COQ10B: variants seen among roughly 807,000 people sequenced by gnomAD.
The protein encoded by COQ10B is coenzyme Q-binding protein COQ10 homolog B, mitochondrial.
A neutral mutation model predicts 27.6 loss-of-function variants in COQ10B; 12 were observed. The ratio of observed to expected loss-of-function variants is 0.43; its 90% confidence interval spans 0.28 to 0.70. The LOEUF is 0.70. Ranked by LOEUF, COQ10B falls within the 30% of genes least tolerant of loss-of-function variation. COQ10B has a pLI of 0.17. For synonymous variants in COQ10B, 115 were observed against 103.0 expected (o/e 1.12, Z -0.71); for missense variants, 278 against 288.7 (o/e 0.96, Z 0.27).
chr2:197,460,184 G>C, intron 2 of COQ10B, 103 bp downstream of exon 2: 1 of 731,028 alleles, frequency 1.4e-6, no homozygotes, highest in Non-Finnish European at 2.1e-6. Context: ...TACAGACTAA[G>C]CTCTCTTTTC....
At chr2:197,463,982 TATATATATATATATAC>T (rs1448187613) in intron 3 of COQ10B, among the ~76,000 whole-genome samples, 153 of 81,862 alleles carry the variant, frequency 1.9e-3, no homozygotes, top group Non-Finnish European at 3.1e-3. Context: ...TATATATATA[TATATATATATATATAC>T]ACACACACAC....
chr2:197,461,515 C>A (rs1574580652), intron 2 of COQ10B, among the ~76,000 whole-genome samples: 1 of 151,204 alleles, frequency 6.6e-6, no homozygotes, highest in East Asian at 2.0e-4. Context: ...ACAGGTGTTA[C>A]CTGTTAAAAA....
At chr2:197,456,413 G>A (rs921144181) in intron 1 of COQ10B, among the ~76,000 whole-genome samples, 5 of 148,012 alleles carry the variant, frequency 3.4e-5, no homozygotes, top group African/African-American at 1.3e-4. Context: ...GCAGTGAGCC[G>A]AGATAGCACC....
chr2:197,459,919 T>G lies in COQ10B; in HGVS notation c.105-13T>G. 1 of 1,570,222 alleles carries G rather than the reference T, an allele frequency of 6.4e-7. No homozygotes were observed. The highest frequency in any genetic ancestry group is 1.2e-5 in the South Asian group (1 of 83,086). On this transcript the variant is annotated splice_polypyrimidine_tract_variant and intron_variant, in intron 1 of 4. Coordinates refer to ENST00000263960, the MANE Select transcript of COQ10B (RefSeq NM_025147.5). ...TACTGTCACTCTAAATCAGGTGATT[T>G]TTGTCTTTTCAGATATTTAGCTTCC...
chr2:197,470,020 C>T (rs1306286992), intron 3 of COQ10B, 50 bp from the exon 4 acceptor site: 1 of 1,089,080 alleles, frequency 9.2e-7, no homozygotes, highest in Admixed American at 1.8e-5. Flanking sequence ...TAGATTATGT[C>T]CAGTAGCAAA....
At chr2:197,459,327 C>T (rs182899735) in intron 1 of COQ10B, among the ~76,000 whole-genome samples, 1 of 151,966 alleles carries the variant, frequency 6.6e-6, no homozygotes, top group Non-Finnish European at 1.5e-5. Context: ...CCACCATGGC[C>T]GGCTAATTTT....
intron 3 of COQ10B, among the ~76,000 whole-genome samples, chr2:197,464,112 T>G (rs2085799204): frequency 6.8e-6 from 1 of 146,682 alleles, no homozygotes; most frequent in Non-Finnish European, 1.5e-5. Flanking sequence ...TGTATAAACA[T>G]TGTTGAGATT....
intron 1 of COQ10B, among the ~76,000 whole-genome samples, chr2:197,458,204 G>A (rs2085720555): frequency 6.7e-6 from 1 of 150,334 alleles, no homozygotes; most frequent in Admixed American, 6.7e-5. Flanking sequence ...ACATATATAT[G>A]TATGTACATA....
In COQ10B at chr2:197,453,667, A is replaced by T; in HGVS notation, c.104+3A>T. ...CAGGCGCCCGTGCGGAATGGCAGGT[A>T]ATCAACAGCGGGGGCGCTGAGACGA... On this transcript the variant is annotated splice_donor_region_variant and intron_variant, in intron 1 of 4. Coordinates refer to ENST00000263960, the MANE Select transcript of COQ10B (RefSeq NM_025147.5). 1 of 1,611,372 alleles carries T rather than the reference A, an allele frequency of 6.2e-7. No individual in the cohort carries two copies. Among genetic ancestry groups the T allele is most frequent in the Non-Finnish European group, 8.5e-7 (1 of 1,177,752 alleles).
chr2:197,473,001 A>G (rs2085894562), intron 4 of COQ10B, among the ~76,000 whole-genome samples: 1 of 152,170 alleles, frequency 6.6e-6, no homozygotes, highest in African/African-American at 2.4e-5. Flanking sequence ...ATAAGAAGGC[A>G]TAGTGATTAA....
chr2:197,472,147 T>TA (rs2085883834), intron 4 of COQ10B, among the ~76,000 whole-genome samples: 1 of 151,908 alleles, frequency 6.6e-6, no homozygotes, highest in Non-Finnish European at 1.5e-5. Context: ...TTTTTTTTTT[T>TA]ACAAAAATGA....
chr2:197,474,106 C>T lies in COQ10B; in HGVS notation c.*182C>T, dbSNP rs906848442. On this transcript the variant is annotated 3_prime_UTR_variant, in exon 5 of 5. Transcript: ENST00000263960. ...TCACTTGTACATAGAATTATTTCTT[C>T]AAGTATAATTCAAAATAATATGGAC... 8.1e-5 allele frequency: 32 copies of T among 392,844 alleles called. No homozygotes were observed. The highest frequency in any genetic ancestry group is 6.2e-4 in the African/African-American group (30 of 48,442). 24.3% of individuals were successfully genotyped at this position (392,844 alleles called of 1,614,324 possible). A position where few individuals can be genotyped will look rare whatever the true frequency, so the allele number is the denominator to read the frequency against.
At chr2:197,462,463 A>C (rs2085771154) in intron 2 of COQ10B, 76 bp from the exon 3 acceptor site, 1 of 742,164 alleles carries the variant, frequency 1.3e-6, no homozygotes, top group African/African-American at 1.8e-5. Flanking sequence ...AGTTTTATAC[A>C]TATTCACTTT....
At chr2:197,463,300 C>T (rs942025162) in intron 3 of COQ10B, among the ~76,000 whole-genome samples, 2 of 149,198 alleles carry the variant, frequency 1.3e-5, no homozygotes, top group South Asian at 2.1e-4. Context: ...GGTGAAACCC[C>T]GTCTCTACTA....
chr2:197,467,392 ATT>A (rs1559294264), intron 3 of COQ10B, among the ~76,000 whole-genome samples: 1 of 151,044 alleles, frequency 6.6e-6, no homozygotes, highest in African/African-American at 2.4e-5. Context: ...TGATTGATTG[ATT>A]AAGATGGAGT....
intron 3 of COQ10B, among the ~76,000 whole-genome samples, chr2:197,463,988 TATATATATAC>T (rs1301394935): frequency 6.5e-4 from 53 of 81,528 alleles, no homozygotes; most frequent in Admixed American, 1.0e-3. Context: ...TATATATATA[TATATATATAC>T]ACACACACAC....
Position 197,453,653 on chromosome 2 carries a change from G to A in COQ10B, c.93G>A (p.Val31=). 1.9e-6 allele frequency: 3 copies of A among 1,613,808 alleles called. No individual in the cohort carries two copies. The South Asian group carries it at 3.3e-5, about 18-fold the overall frequency. ...SATAAGAQAP[V]RNGRYLASCG... ...CAGCGGCCGGGGCGCAGGCGCCCGT[G>A]CGGAATGGCAGGTAATCAACAGCGG... The change falls in exon 1 of 5, where the codon GTG becomes GTA. Residue 31 remains valine (V), a synonymous_variant. Coordinates refer to ENST00000263960, the MANE Select transcript of COQ10B (RefSeq NM_025147.5).
At chr2:197,473,322 G>T (rs1224892503) in intron 4 of COQ10B, among the ~76,000 whole-genome samples, 1 of 148,984 alleles carries the variant, frequency 6.7e-6, no homozygotes, top group East Asian at 2.0e-4. Flanking sequence ...GGAGGCTGAA[G>T]TGGGCAGAAT....
At chr2:197,460,946 A>G (rs1278735153) in intron 2 of COQ10B, among the ~76,000 whole-genome samples, 1 of 152,238 alleles carries the variant, frequency 6.6e-6, no homozygotes, top group Non-Finnish European at 1.5e-5. Context: ...TGGTAAAGAC[A>G]CTACAGTTCT....
Sources: allele counts gnomAD v4.1 joint callset (sites outside exome capture counted in the v4.1 genomes callset), GRCh38; gene constraint gnomAD v4.1.1; transcripts MANE v1.5; gene names NCBI Gene and HGNC (gene_info 2026-07-23, HGNC 2026-07-21).